The following NCAPH variants were observed in gnomAD, a reference collection of about 807,000 sequenced individuals.
NCAPH encodes condensin complex subunit 2.
Under a neutral mutation model 85.5 loss-of-function variants are expected in NCAPH, and 38 were observed. The ratio of observed to expected loss-of-function variants is 0.44; its 90% confidence interval spans 0.34 to 0.58. The LOEUF is 0.58. Among genes scored for constraint, NCAPH ranks in the 20% least tolerant of loss-of-function variants. NCAPH has a pLI of 0.01. For missense variants in NCAPH, 789 were observed against 916.6 expected (o/e 0.86, Z 1.80); for synonymous variants, 301 against 335.1 (o/e 0.90, Z 1.11).
chr2:96,373,381 G>C lies in NCAPH; in HGVS notation c.*30G>C. 1 of 1,602,724 alleles carries C rather than the reference G, an allele frequency of 6.2e-7. No individual in the cohort carries two copies. The highest frequency in any genetic ancestry group is 8.5e-7 in the Non-Finnish European group (1 of 1,170,182). On this transcript the variant is annotated 3_prime_UTR_variant, in exon 18 of 18. Coordinates refer to ENST00000240423, the MANE Select transcript of NCAPH (RefSeq NM_015341.5). ...ACTATGGAGAAGTCAGCAGCAGGAGGCCCATCCCTTACTCAGTTGCCGGGA... is the reference window on the plus strand; with the variant it reads ...ACTATGGAGAAGTCAGCAGCAGGAGCCCCATCCCTTACTCAGTTGCCGGGA...
At chr2:96,341,047 A>G (rs1044215935) in intron 1 of NCAPH, among the ~76,000 whole-genome samples, 6 of 152,182 alleles carry the variant, frequency 3.9e-5, no homozygotes, top group African/African-American at 1.4e-4. Flanking sequence ...TTTCAGATTG[A>G]TTTTTAGTGA....
intron 6 of NCAPH, among the ~76,000 whole-genome samples, chr2:96,348,285 G>A (rs2064388500): frequency 6.6e-6 from 1 of 151,492 alleles, no homozygotes; most frequent in Non-Finnish European, 1.5e-5. Context: ...CACCTCCCGG[G>A]TTCACGCCAT....
At chr2:96,361,829 T>TATATA (rs1491107013) in intron 12 of NCAPH, among the ~76,000 whole-genome samples, 5 of 70,964 alleles carry the variant, frequency 7.0e-5, no homozygotes, top group East Asian at 3.4e-4. Flanking sequence ...TATATATATA[T>TATATA]TTTTTTTTTT....
Position 96,348,397 on chromosome 2 carries a change from G to C in NCAPH, c.721-3434G>C, listed in dbSNP as rs377014526. The stretch of plus-strand genomic sequence containing the variant: ...GGAGAGACGGGGTTTCACCGTGTTA[G>C]CCAGGATGGTCTTGATCTTCTGACC... On this transcript the variant is annotated intron_variant, in intron 6 of 17. Transcript: ENST00000240423. Among the ~76,000 whole-genome samples, 368 of 152,088 alleles carry C rather than the reference G, an allele frequency of 2.4e-3. 1 individual carries two copies. Among genetic ancestry groups the C allele is most frequent in the African/African-American group, 8.5e-3 (352 of 41,488 alleles).
chr2:96,348,444 G>A (rs1319125389), intron 6 of NCAPH, among the ~76,000 whole-genome samples: 3 of 151,732 alleles, frequency 2.0e-5, no homozygotes, highest in African/African-American at 7.3e-5. Flanking sequence ...CGCCCGCCTC[G>A]GCCTCCCAAA....
intron 6 of NCAPH, among the ~76,000 whole-genome samples, chr2:96,345,745 T>TTATAA (rs2064353778): frequency 6.6e-6 from 1 of 152,098 alleles, no homozygotes; most frequent in Non-Finnish European, 1.5e-5. Context: ...GGGAGAGAGA[T>TTATAA]ATATATAGAG....
Position 96,354,214 on chromosome 2 carries a change from A to G in NCAPH, c.1034A>G (p.Lys345Arg). 6.2e-7 allele frequency: 1 copy of G among 1,614,190 alleles called. No individual in the cohort carries two copies. Among genetic ancestry groups the G allele is most frequent in the East Asian group, 2.2e-5 (1 of 44,876 alleles). The change falls in exon 9 of 18, where the codon AAG (lysine) becomes AGG (arginine). Residue 345 changes from lysine to arginine, a missense_variant. Lys to Arg is a conservative substitution (Grantham distance 26). Transcript: ENST00000240423. ...TCGGCCCTGGTAGACAAGTTTAAGA[A>G]GAATGACCAGGTATTTGACATCAAT... Reference protein sequence around the residue: ...SVSALVDKFKKNDQVFDINAE... With the variant: ...SVSALVDKFKRNDQVFDINAE...
intron 1 of NCAPH, among the ~76,000 whole-genome samples, chr2:96,337,587 T>G (rs2064231805): frequency 6.6e-6 from 1 of 152,168 alleles, no homozygotes; most frequent in African/African-American, 2.4e-5. Flanking sequence ...GCCCAGCTAA[T>G]TTTTTGTATT....
intron 14 of NCAPH, 72 bp downstream of exon 14, chr2:96,366,130 C>T (rs541661267): frequency 1.3e-5 from 19 of 1,490,156 alleles, no homozygotes; most frequent in African/African-American, 8.3e-5. Flanking sequence ...ATGAGAGTCA[C>T]GCAATCTGAG....
chr2:96,361,806 GTATATA>G (rs1220395616), intron 12 of NCAPH, among the ~76,000 whole-genome samples: 9 of 76,778 alleles, frequency 1.2e-4, no homozygotes, highest in African/African-American at 2.3e-4. Flanking sequence ...ATATATATGT[GTATATA>G]TATATATATA....
intron 6 of NCAPH, among the ~76,000 whole-genome samples, chr2:96,347,598 C>A (rs866150718): frequency 6.6e-6 from 1 of 152,032 alleles, no homozygotes; most frequent in Admixed American, 6.5e-5. Context: ...TGAGGAAATA[C>A]CAGTTTTTGA....
At chr2:96,358,774 AT>A (rs2064564067) in intron 9 of NCAPH, among the ~76,000 whole-genome samples, 1 of 152,134 alleles carries the variant, frequency 6.6e-6, no homozygotes, top group Non-Finnish European at 1.5e-5. Flanking sequence ...AGCCAAAAGA[AT>A]TCTCTTTACT....
intron 9 of NCAPH, among the ~76,000 whole-genome samples, chr2:96,355,905 A>T (rs538408352): frequency 6.6e-6 from 1 of 152,224 alleles, no homozygotes; most frequent in Non-Finnish European, 1.5e-5. Flanking sequence ...AAGTGCTGGG[A>T]TTACAGGCGT....
chr2:96,350,220 A>G (rs1313082894), intron 6 of NCAPH, among the ~76,000 whole-genome samples: 1 of 152,230 alleles, frequency 6.6e-6, no homozygotes, highest in Non-Finnish European at 1.5e-5. Context: ...GTCAGCCATA[A>G]TTCATTGTCC....
intron 17 of NCAPH, among the ~76,000 whole-genome samples, chr2:96,370,222 C>CA (rs1053491676): frequency 2.6e-5 from 4 of 152,328 alleles, no homozygotes; most frequent in Non-Finnish European, 5.9e-5. Flanking sequence ...TTGGCACGTG[C>CA]AGTAGAGGGC....
At chr2:96,343,121 GT>G in intron 4 of NCAPH, 44 bp from the exon 5 acceptor site, 10 of 1,604,160 alleles carry the variant, frequency 6.2e-6, no homozygotes, top group Non-Finnish European at 8.5e-6. Flanking sequence ...TTCAGAAGTT[GT>G]TTTTTGTGTA....
Position 96,364,603 on chromosome 2 carries a change from A to G in NCAPH, c.1698+12A>G, listed in dbSNP as rs772319057. 1.1e-4 allele frequency: 166 copies of G among 1,560,964 alleles called. No individual in the cohort carries two copies. The highest frequency in any genetic ancestry group is 3.3e-4 in the Middle Eastern group (2 of 5,992). On this transcript the variant is annotated intron_variant, in intron 13 of 17. Transcript: ENST00000240423. ...GCCCTGGATTACAGGTAAAGGGGGG[A>G]AAGGGGCTCTGTCCTCTCTTCTAAG...
At chr2:96,354,150 T>G in intron 8 of NCAPH, 33 bp from the exon 9 acceptor site, 424 of 1,592,838 alleles carry the variant, frequency 2.7e-4, no homozygotes, top group Non-Finnish European at 3.4e-4. Flanking sequence ...GTTATAGGAA[T>G]GAGAATTACA....
intron 15 of NCAPH, among the ~76,000 whole-genome samples, chr2:96,368,392 C>T (rs1354722996): frequency 6.6e-6 from 1 of 152,156 alleles, no homozygotes; most frequent in Non-Finnish European, 1.5e-5. Flanking sequence ...CACAGTGGCT[C>T]ATGTCTGTAA....
Sources: gnomAD v4.1 joint callset for allele counts (sites outside exome capture counted in the v4.1 genomes callset) on GRCh38, gnomAD v4.1.1 for gene constraint, MANE v1.5 for transcripts, NCBI Gene and HGNC (gene_info 2026-07-23, HGNC 2026-07-21) for gene names.